The following GSAP variants were observed in gnomAD, a reference collection of about 807,000 sequenced individuals.
The protein encoded by GSAP is gamma-secretase-activating protein.
In GSAP, 118 loss-of-function variants were observed where a neutral mutation model predicts 131.7. That is an observed-to-expected ratio of 0.90 (90% confidence interval 0.77 to 1.04). GSAP has a LOEUF of 1.04. Among genes scored for constraint, GSAP ranks in the 50% least tolerant of loss-of-function variants. GSAP has a pLI of 0.00. For missense variants in GSAP, 1,019 were observed against 1,013.2 expected (o/e 1.01, Z -0.08); for synonymous variants, 381 against 363.4 (o/e 1.05, Z -0.55).
chr7:77,415,593 G>A (rs1436230874), intron 1 of GSAP: 1 of 152,200 alleles, frequency 6.6e-6, no homozygotes, highest in East Asian at 1.9e-4. Flanking sequence ...GAGCTCGGGG[G>A]CGGCTGGGGG....
intron 28 of GSAP, among the ~76,000 whole-genome samples, chr7:77,312,691 C>A (rs1794531298): frequency 6.6e-6 from 1 of 152,168 alleles, no homozygotes; most frequent in African/African-American, 2.4e-5. Flanking sequence ...TCTATTCTTG[C>A]CTTTGCTTCA....
At position 77,320,815 on chromosome 7, in the gene GSAP, T is replaced by C. The variant is rs1787535530; in HGVS notation, c.1999A>G (p.Ser667Gly). The C allele has an allele frequency of 1.9e-6, 3 of 1,596,886 alleles. No homozygotes were observed. The highest frequency in any genetic ancestry group is 2.6e-6 in the Non-Finnish European group (3 of 1,164,462). The change falls in exon 26 of 31, where the codon AGT becomes GGT. Residue 667 changes from serine to glycine, a missense_variant. Transcript: ENST00000257626. ...GCAAATTCAGCAGCACTGCCACGAC[T>C]ATTGCTGGGTAAAAAAAACAAAGCA... ...NLHSWVLHFN[S>G]RGSAAEFAVF...
chr7:77,416,455 C>T (rs1038174760), upstream of GSAP: 39 of 492,762 alleles, frequency 7.9e-5, no homozygotes, highest in Middle Eastern at 5.4e-4. Context: ...GCTTTCGGTT[C>T]TGCAGCGCCC....
At chr7:77,416,592 G>A (rs1804514351), upstream of GSAP, 5 of 322,596 alleles carry the variant, frequency 1.5e-5, no homozygotes, top group East Asian at 2.0e-4. Flanking sequence ...GCCCGCCGGG[G>A]CGGGAGGCCT....
rs150130622 is a variant in GSAP, at chr7:77,411,953, C to G, written c.109+4260G>C. On this transcript the variant is annotated intron_variant, in intron 1 of 30. Transcript: ENST00000257626. ...CAGCACTTTGGGAGGCCGAGGTAGG[C>G]CGATCACCTGAGGTCAAGAGTTCAA... 4.3e-3 allele frequency among the ~76,000 whole-genome samples: 660 copies of G among 152,262 alleles called. 5 individuals carry two copies. The highest frequency in any genetic ancestry group is 5.0e-3 in the Non-Finnish European group (340 of 68,008).
At chr7:77,313,923 G>T (rs1168930859) in intron 27 of GSAP, among the ~76,000 whole-genome samples, 2 of 152,088 alleles carry the variant, frequency 1.3e-5, no homozygotes, top group African/African-American at 2.4e-5. Context: ...TGCATTTCTA[G>T]TCTAACTTTG....
chr7:77,367,243 C>T (rs1016511814), intron 12 of GSAP, among the ~76,000 whole-genome samples: 5 of 152,122 alleles, frequency 3.3e-5, no homozygotes, highest in African/African-American at 9.7e-5. Flanking sequence ...CTTCCAATAC[C>T]ATGTTGGATA....
rs770404446 is a variant in GSAP, at chr7:77,360,819, C to G, written c.1027+5G>C. On this transcript the variant is annotated splice_donor_5th_base_variant and intron_variant, in intron 14 of 30. Transcript: ENST00000257626. ...AGCAGGGGGTGTGATCTCTCCATCA[C>G]TCACCAAGGTTGAGAAAAGTAATGC... 1.3e-6 allele frequency: 2 copies of G among 1,508,108 alleles called. No individual in the cohort carries two copies. Among genetic ancestry groups the G allele is most frequent in the Admixed American group, 3.3e-5 (2 of 59,844 alleles). 93.4% of individuals were successfully genotyped at this position (1,508,108 alleles called of 1,614,324 possible).
rs143169691 is a variant in GSAP at position 77,343,583 on chromosome 7, G to A, written c.1545+5768C>T. 5.1e-3 allele frequency among the ~76,000 whole-genome samples: 776 copies of A among 152,250 alleles called. 7 individuals carry two copies. Among genetic ancestry groups the A allele is most frequent in the African/African-American group, 0.017 (715 of 41,540 alleles). On this transcript the variant is annotated intron_variant, in intron 19 of 30. Transcript: ENST00000257626. ...CCATCAAAAGGTGTCAGATCCCATC[G>A]CTCAAGGCAACGCTTATGCTGATAA...
intron 7 of GSAP, among the ~76,000 whole-genome samples, chr7:77,381,749 T>C (rs7786534): frequency 0.012 from 1,882 of 152,198 alleles, 35 homozygotes; most frequent in African/African-American, 0.043. Context: ...CTTGTTTGTA[T>C]GAACATACCA....
chr7:77,353,819 C>T (rs958058241), intron 16 of GSAP, 178 bp from the exon 17 acceptor site: 23 of 481,684 alleles, frequency 4.8e-5, no homozygotes, highest in African/African-American at 6.0e-5. Flanking sequence ...GTAGGTAAAA[C>T]GGTATTTTAT....
intron 3 of GSAP, among the ~76,000 whole-genome samples, chr7:77,402,469 C>A (rs1034528206): frequency 6.7e-6 from 1 of 148,688 alleles, no homozygotes; most frequent in Non-Finnish European, 1.5e-5. Context: ...GTGGCACACA[C>A]CTGTAGTTCC....
At chr7:77,367,090 G>A (rs1422494425) in intron 12 of GSAP, among the ~76,000 whole-genome samples, 1 of 152,204 alleles carries the variant, frequency 6.6e-6, no homozygotes, top group African/African-American at 2.4e-5. Flanking sequence ...CTGAAAGTTT[G>A]CTGAAGTTGT....
chr7:77,381,424 C>G, intron 7 of GSAP, 70 bp from the exon 8 acceptor site: 2 of 708,452 alleles, frequency 2.8e-6, no homozygotes, highest in Non-Finnish European at 4.7e-6. Flanking sequence ...TTGCCTAACT[C>G]TTGTAAAAAC....
At chr7:77,370,885 T>C (rs1315181805) in intron 12 of GSAP, among the ~76,000 whole-genome samples, 1 of 152,198 alleles carries the variant, frequency 6.6e-6, no homozygotes, top group African/African-American at 2.4e-5. Flanking sequence ...AACTACCCTG[T>C]GCCTTCAGCT....
intron 8 of GSAP, among the ~76,000 whole-genome samples, chr7:77,380,392 T>C (rs1797617437): frequency 6.6e-6 from 1 of 152,288 alleles, no homozygotes; most frequent in East Asian, 1.9e-4. Flanking sequence ...GAACAATCCA[T>C]CCCTGAGGAT....
intron 6 of GSAP, among the ~76,000 whole-genome samples, chr7:77,383,384 A>T (rs973916415): frequency 1.3e-5 from 2 of 152,096 alleles, no homozygotes; most frequent in Non-Finnish European, 2.9e-5. Flanking sequence ...CCTAGTATAT[A>T]ATTTGAGAGC....
intron 14 of GSAP, among the ~76,000 whole-genome samples, chr7:77,357,537 G>A (rs1793936864): frequency 6.6e-6 from 1 of 152,180 alleles, no homozygotes; most frequent in African/African-American, 2.4e-5. Flanking sequence ...AGTCAGGGGT[G>A]TCCAATCTTT....
intron 3 of GSAP, 70 bp from the exon 4 acceptor site, chr7:77,397,485 C>T: frequency 2.3e-6 from 2 of 871,696 alleles, no homozygotes; most frequent in South Asian, 3.1e-5. Flanking sequence ...AACATAAATT[C>T]CCATTAAGCT....
Sources: gnomAD v4.1 joint callset for allele counts (sites outside exome capture counted in the v4.1 genomes callset) on GRCh38, gnomAD v4.1.1 for gene constraint, MANE v1.5 for transcripts, NCBI Gene and HGNC (gene_info 2026-07-23, HGNC 2026-07-21) for gene names.